Variants in CDH13 observed in about 807,000 individuals in gnomAD.
CDH13 encodes the protein cadherin-13.
Under a neutral mutation model 63.8 loss-of-function variants are expected in CDH13, and 24 were observed. The ratio of observed to expected loss-of-function variants is 0.38; its 90% CI spans 0.27 to 0.53. The LOEUF (loss-of-function observed/expected upper bound fraction) is 0.53, where lower values mean the gene tolerates loss of function less well. Among genes scored for constraint, CDH13 ranks in the 20% least tolerant of loss-of-function variants. CDH13 has a pLI of 0.85. For missense variants in CDH13, 1,049 were observed against 903.1 expected (o/e 1.16, Z -2.07); for synonymous variants, 503 against 355.3 (o/e 1.42, Z -4.67).
At chr16:83,338,275 G>A (rs747656340) in intron 5 of CDH13, among the ~76,000 whole-genome samples, 2 of 151,770 alleles carry the variant, frequency 1.3e-5, no homozygotes, top group Non-Finnish European at 2.9e-5. Context: ...AGGCTACAGA[G>A]TCCACCAGCC....
chr16:82,812,057 G>T (rs758689137), intron 1 of CDH13, among the ~76,000 whole-genome samples: 1 of 152,150 alleles, frequency 6.6e-6, no homozygotes, highest in Non-Finnish European at 1.5e-5. Flanking sequence ...TTTGATGGAT[G>T]AGCAGACTAC....
intron 3 of CDH13, among the ~76,000 whole-genome samples, chr16:83,114,038 C>G (rs2035187031): frequency 6.6e-6 from 1 of 152,196 alleles, no homozygotes; most frequent in South Asian, 2.1e-4. Context: ...CAATTTCAGA[C>G]TCCCCTGATG....
At chr16:83,421,041 C>A (rs1311988163) in intron 6 of CDH13, among the ~76,000 whole-genome samples, 2 of 152,170 alleles carry the variant, frequency 1.3e-5, no homozygotes, top group Non-Finnish European at 2.9e-5. Context: ...GTCTTTCTCT[C>A]CCTGTCCACA....
chr16:82,747,566 C>T (rs948271296), intron 1 of CDH13, among the ~76,000 whole-genome samples: 3 of 150,918 alleles, frequency 2.0e-5, no homozygotes, highest in Non-Finnish European at 4.4e-5. Flanking sequence ...TCCTCAGGTC[C>T]GAATCAGAAA....
chr16:83,662,726 G>T (rs1302643006), intron 8 of CDH13, among the ~76,000 whole-genome samples: 5 of 152,168 alleles, frequency 3.3e-5, no homozygotes, highest in African/African-American at 1.2e-4. Flanking sequence ...CACCATCAAA[G>T]GGACCACTCA....
At chr16:83,675,116 G>A (rs961908069) in intron 9 of CDH13, among the ~76,000 whole-genome samples, 2 of 152,154 alleles carry the variant, frequency 1.3e-5, no homozygotes, top group African/African-American at 4.8e-5. Context: ...GCTTCCATCA[G>A]GAGTATTTTC....
At chr16:82,729,623 G>C (rs1261058670) in intron 1 of CDH13, among the ~76,000 whole-genome samples, 3 of 152,042 alleles carry the variant, frequency 2.0e-5, no homozygotes, top group Non-Finnish European at 4.4e-5. Context: ...TGATTATTTA[G>C]GGCCCTAGGA....
At chr16:82,686,888 A>G (rs1915129152) in intron 1 of CDH13, among the ~76,000 whole-genome samples, 1 of 152,184 alleles carries the variant, frequency 6.6e-6, no homozygotes, top group Non-Finnish European at 1.5e-5. Flanking sequence ...ACAACAGGAG[A>G]ATTCTTCCTT....
chr16:83,022,786 CA>C (rs1915463250), intron 2 of CDH13, among the ~76,000 whole-genome samples: 1 of 152,202 alleles, frequency 6.6e-6, no homozygotes, highest in Non-Finnish European at 1.5e-5. Context: ...AAAGCCTCTA[CA>C]AATACATGCA....
intron 10 of CDH13, among the ~76,000 whole-genome samples, chr16:83,708,988 C>T (rs1907581088): frequency 6.6e-6 from 1 of 152,116 alleles, no homozygotes; most frequent in African/African-American, 2.4e-5. Flanking sequence ...CATGCCACTG[C>T]CCTCTAGTCT....
At chr16:83,581,543 G>C (rs1905599615) in intron 7 of CDH13, among the ~76,000 whole-genome samples, 1 of 152,142 alleles carries the variant, frequency 6.6e-6, no homozygotes, top group Non-Finnish European at 1.5e-5. Flanking sequence ...CCTTGGCCAG[G>C]CACAGTGGCT....
At chr16:83,334,103 C>A (rs2090535552) in intron 5 of CDH13, among the ~76,000 whole-genome samples, 1 of 152,088 alleles carries the variant, frequency 6.6e-6, no homozygotes, top group South Asian at 2.1e-4. Context: ...TGGTACCTTT[C>A]TCCATCCTCA....
At chr16:82,776,591 A>G (rs1372275376) in intron 1 of CDH13, among the ~76,000 whole-genome samples, 1 of 152,156 alleles carries the variant, frequency 6.6e-6, no homozygotes, top group African/African-American at 2.4e-5. Flanking sequence ...TGCTGTCACT[A>G]TTTGTTTTAG....
chr16:83,087,536 C>T (rs1031037249), intron 3 of CDH13, among the ~76,000 whole-genome samples: 1 of 151,908 alleles, frequency 6.6e-6, no homozygotes, highest in Non-Finnish European at 1.5e-5. Context: ...GGTGCGGTGG[C>T]ATGTGCCTAT....
At chr16:82,853,786 CAT>C (rs950112829) in intron 1 of CDH13, among the ~76,000 whole-genome samples, 21 of 152,250 alleles carry the variant, frequency 1.4e-4, no homozygotes, top group African/African-American at 4.6e-4. Context: ...AATGGACAAA[CAT>C]GTCATAGAGT....
intron 1 of CDH13, among the ~76,000 whole-genome samples, chr16:82,769,005 G>A (rs1206364467): frequency 6.6e-6 from 1 of 152,132 alleles, no homozygotes; most frequent in Non-Finnish European, 1.5e-5. Flanking sequence ...AAGACAGCTG[G>A]CAAGATTGAG....
At chr16:82,955,844 T>C (rs945949533) in intron 2 of CDH13, among the ~76,000 whole-genome samples, 8 of 152,152 alleles carry the variant, frequency 5.3e-5, no homozygotes, top group African/African-American at 1.9e-4. Context: ...GAAAACCTCT[T>C]CTCCAGGAGG....
At chr16:83,225,454 G>C (rs1186139476) in intron 5 of CDH13, among the ~76,000 whole-genome samples, 2 of 152,180 alleles carry the variant, frequency 1.3e-5, no homozygotes, top group Non-Finnish European at 2.9e-5. Context: ...ATCCTGCCTA[G>C]ACTTTGGATG....
chr16:83,246,204 A>C (rs1457866502), intron 5 of CDH13, among the ~76,000 whole-genome samples: 1 of 152,254 alleles, frequency 6.6e-6, no homozygotes, highest in Non-Finnish European at 1.5e-5. Context: ...ATAAAAACCA[A>C]AAGTTGATTT....
Sources: gnomAD v4.1 joint callset for allele counts (sites outside exome capture counted in the v4.1 genomes callset) on GRCh38, gnomAD v4.1.1 for gene constraint, MANE v1.5 for transcripts, NCBI Gene and HGNC (gene_info 2026-07-23, HGNC 2026-07-21) for gene names.